PCDHA1: variants seen among roughly 807,000 people sequenced by gnomAD.
The protein encoded by PCDHA1 is protocadherin alpha-1.
PCDHA1 carries 42 observed loss-of-function variants against 61.3 expected under a neutral mutation model. The ratio of observed to expected loss-of-function variants is 0.69; its 90% confidence interval spans 0.54 to 0.89. The LOEUF (loss-of-function observed/expected upper bound fraction) is 0.89. PCDHA1 is among the 40% of genes least tolerant of loss of function. The pLI is 0.00. For missense variants in PCDHA1, 1,256 were observed against 1,235.3 expected (o/e 1.02, Z -0.25); for synonymous variants, 610 against 553.8 (o/e 1.10, Z -1.43).
intron 1 of PCDHA1, chr5:140,836,268 G>A: frequency 6.2e-7 from 1 of 1,613,816 alleles, no homozygotes; most frequent in African/African-American, 1.3e-5. Flanking sequence ...GCTGTACACT[G>A]GTGAGATCAG....
chr5:140,829,101 TA>T (rs1562303098), intron 1 of PCDHA1: 1 of 1,611,922 alleles, frequency 6.2e-7, no homozygotes, highest in Admixed American at 1.7e-5. Flanking sequence ...TGCACCGTTT[TA>T]GTGAGAATTT....
At chr5:141,001,097 T>TC (rs1554257999) in intron 3 of PCDHA1, among the ~76,000 whole-genome samples, 1 of 152,114 alleles carries the variant, frequency 6.6e-6, no homozygotes, top group Non-Finnish European at 1.5e-5. Flanking sequence ...AACTGTCTAA[T>TC]CCATAATAAG....
At chr5:140,859,768 T>A (rs1469606357) in intron 1 of PCDHA1, 1 of 152,934 alleles carries the variant, frequency 6.5e-6, no homozygotes, top group Non-Finnish European at 1.5e-5. Flanking sequence ...ATACTCTCCA[T>A]GCCCTGTCTC....
chr5:140,996,341 C>T (rs1554255109), intron 3 of PCDHA1, among the ~76,000 whole-genome samples: 2 of 152,160 alleles, frequency 1.3e-5, no homozygotes, highest in African/African-American at 4.8e-5. Context: ...AGTTTGAAAA[C>T]CCAACCAAAG....
At chr5:140,883,467 C>T in intron 1 of PCDHA1, 1 of 1,614,170 alleles carries the variant, frequency 6.2e-7, no homozygotes, top group Non-Finnish European at 8.5e-7. Flanking sequence ...CTGGTGTCCA[C>T]CTACAAGAAC....
chr5:140,801,889 C>T (rs782143369), intron 1 of PCDHA1: 1 of 1,614,162 alleles, frequency 6.2e-7, no homozygotes, highest in South Asian at 1.1e-5. Flanking sequence ...CTAAAGATCA[C>T]TGTTTTAGAT....
At chr5:140,914,501 C>T (rs1231907689) in intron 1 of PCDHA1, among the ~76,000 whole-genome samples, 1 of 152,084 alleles carries the variant, frequency 6.6e-6, no homozygotes, top group African/African-American at 2.4e-5. Context: ...GGCAACAGAT[C>T]ATTGGGTCAT....
chr5:140,805,790 A>G (rs1344400107), intron 1 of PCDHA1: 5 of 177,994 alleles, frequency 2.8e-5, no homozygotes, highest in African/African-American at 1.2e-4. Flanking sequence ...CTTTTTTTGT[A>G]TCTTTAGAAA....
intron 1 of PCDHA1, chr5:140,824,000 G>A (rs2150131265): frequency 1.2e-6 from 2 of 1,614,148 alleles, no homozygotes; most frequent in South Asian, 1.1e-5. Flanking sequence ...TTGTGCTCCA[G>A]CGCGGTGGGG....
intron 1 of PCDHA1, among the ~76,000 whole-genome samples, chr5:140,791,177 A>G (rs1046421823): frequency 1.3e-5 from 2 of 152,236 alleles, no homozygotes; most frequent in African/African-American, 2.4e-5. Flanking sequence ...GCCACTACCG[A>G]TATTCCTCTG....
At chr5:140,844,885 T>C (rs1288231752) in intron 1 of PCDHA1, among the ~76,000 whole-genome samples, 1 of 149,522 alleles carries the variant, frequency 6.7e-6, no homozygotes, top group Non-Finnish European at 1.5e-5. Flanking sequence ...TTAGACTTCG[T>C]GCATATTGCT....
chr5:140,992,465 C>G (rs1554252929), intron 3 of PCDHA1, among the ~76,000 whole-genome samples: 2 of 152,162 alleles, frequency 1.3e-5, no homozygotes. Flanking sequence ...GGACAGTACT[C>G]TTTAGATCAC....
intron 1 of PCDHA1, among the ~76,000 whole-genome samples, chr5:140,797,837 T>C (rs1024603104): frequency 1.3e-5 from 2 of 150,912 alleles, no homozygotes; most frequent in African/African-American, 5.0e-5. Flanking sequence ...CAATAGTTAA[T>C]AAGCTACATT....
intron 1 of PCDHA1, among the ~76,000 whole-genome samples, chr5:140,904,217 T>C (rs1554191375): frequency 6.6e-6 from 1 of 151,964 alleles, no homozygotes; most frequent in Non-Finnish European, 1.5e-5. Flanking sequence ...CCAAAGTCCA[T>C]TGTATTATAC....
At chr5:140,843,184 G>C in intron 1 of PCDHA1, 1 of 1,596,022 alleles carries the variant, frequency 6.3e-7, no homozygotes, top group Non-Finnish European at 8.6e-7. Flanking sequence ...CTCGCATCCC[G>C]TTCCGCGTGG....
Position 140,843,748 on chromosome 5 carries a change from C to A in PCDHA1, c.2394+55064C>A. On this transcript the variant is annotated intron_variant, in intron 1 of 3. Coordinates refer to ENST00000504120, the MANE Select transcript of PCDHA1 (RefSeq NM_018900.4). ...CATTTAAATTTAGAACTCATAAATT[C>A]TATTTGTGGAAATTGTAGTTACTTT... is the stretch of plus-strand genomic sequence containing the variant. 1.3e-6 allele frequency: 2 copies of A among 1,523,192 alleles called. 1 individual carries two copies. Among genetic ancestry groups the A allele is most frequent in the Non-Finnish European group, 1.8e-6 (2 of 1,110,082 alleles). 94.4% of individuals were successfully genotyped at this position (1,523,192 alleles called of 1,614,324 possible). A position where few individuals can be genotyped will look rare whatever the true frequency, so the allele number is the denominator to read the frequency against.
At chr5:141,004,495 C>T (rs1363359146) in intron 3 of PCDHA1, among the ~76,000 whole-genome samples, 14 of 152,182 alleles carry the variant, frequency 9.2e-5, no homozygotes, top group Admixed American at 9.2e-4. Flanking sequence ...TCTTGGCAGT[C>T]CTGCTGTGAG....
rs368824382 is a variant in PCDHA1 at position 140,807,628 on chromosome 5, G to T, written c.2394+18944G>T. ...ACCTGTCCATCGCGGAATCCAGGCCGCTTGACTCTCGGTTTCCACTAGAGG... is the reference window on the plus strand; with the variant it reads ...ACCTGTCCATCGCGGAATCCAGGCCTCTTGACTCTCGGTTTCCACTAGAGG... On this transcript the variant is annotated intron_variant, in intron 1 of 3. Coordinates refer to ENST00000504120, the MANE Select transcript of PCDHA1 (RefSeq NM_018900.4). 6 of 1,614,092 alleles carry T rather than the reference G, an allele frequency of 3.7e-6. No homozygotes were observed. The African/African-American group carries it at 4.0e-5, about 11-fold the overall frequency.
chr5:140,943,719 T>G (rs1198620937), intron 1 of PCDHA1, among the ~76,000 whole-genome samples: 2 of 152,126 alleles, frequency 1.3e-5, no homozygotes, highest in African/African-American at 4.8e-5. Context: ...TTTAAAGGTC[T>G]GAGAGAATGA....
Sources: gnomAD v4.1 joint callset for allele counts (sites outside exome capture counted in the v4.1 genomes callset) on GRCh38, gnomAD v4.1.1 for gene constraint, MANE v1.5 for transcripts, NCBI Gene and HGNC (gene_info 2026-07-23, HGNC 2026-07-21) for gene names.